CPM: variants seen among roughly 807,000 people sequenced by gnomAD.
CPM encodes the protein renal carboxypeptidase.
A neutral mutation model predicts 46.4 loss-of-function variants in CPM; 35 were observed. The observed-to-expected ratio is 0.75, with a 90% CI of 0.58 to 1.00. The LOEUF is 1.00. Ranked by LOEUF, CPM falls within the 50% of genes least tolerant of loss-of-function variation. The probability of loss-of-function intolerance (pLI) is 0.00; values close to 1 mark genes in which losing one functional copy is unlikely to be tolerated. For missense variants in CPM, 422 were observed against 530.4 expected (o/e 0.80, Z 2.01); for synonymous variants, 195 against 195.3 (o/e 1.00, Z 0.01).
chr12:68,870,502 G>A (rs1403290918), intron 4 of CPM, 103 bp from the exon 5 acceptor site: 33 of 964,998 alleles, frequency 3.4e-5, no homozygotes, highest in East Asian at 3.1e-4. Flanking sequence ...CTTTCCAAAC[G>A]TGAGTATGGG....
At chr12:68,872,007 G>A in intron 3 of CPM, 51 bp from the exon 4 acceptor site, 1 of 1,590,434 alleles carries the variant, frequency 6.3e-7, no homozygotes. Context: ...AGGCAATAAG[G>A]AAAGCACTCC....
At chr12:68,890,133 A>G (rs541032189) in intron 2 of CPM, among the ~76,000 whole-genome samples, 14 of 152,230 alleles carry the variant, frequency 9.2e-5, no homozygotes, top group Admixed American at 2.0e-4. Flanking sequence ...TACACTCAGG[A>G]GACTGAGGTG....
intron 1 of CPM, among the ~76,000 whole-genome samples, chr12:68,957,180 A>G (rs1349512058): frequency 6.6e-6 from 1 of 152,126 alleles, no homozygotes; most frequent in Non-Finnish European, 1.5e-5. Context: ...GAATCCCACT[A>G]TTCAAAGCAG....
chr12:68,960,223 A>C lies in CPM; in HGVS notation c.-4+2946T>G, dbSNP rs539599881. ...CAGGATGGAAACATTTATTTTTGGC[A>C]CTCTTGATTCTTCTTTCTTCATTAG... is the stretch of plus-strand genomic sequence containing the variant. On this transcript the variant is annotated intron_variant, in intron 1 of 8. Transcript: ENST00000546373. 1.1e-4 allele frequency among the ~76,000 whole-genome samples: 16 copies of C among 152,156 alleles called. No individual in the cohort carries two copies. The South Asian group carries it at 3.3e-3, about 32-fold the overall frequency.
chr12:68,929,082 C>A (rs1257205201), intron 2 of CPM, among the ~76,000 whole-genome samples: 2 of 151,918 alleles, frequency 1.3e-5, no homozygotes, highest in Admixed American at 6.6e-5. Context: ...TGTAGCAGAG[C>A]AGTTCTTTCA....
intron 1 of CPM, among the ~76,000 whole-genome samples, chr12:68,958,070 T>C (rs1889053315): frequency 6.6e-6 from 1 of 152,240 alleles, no homozygotes; most frequent in African/African-American, 2.4e-5. Flanking sequence ...ATGTGCCACA[T>C]TTTCTTAATC....
At chr12:68,842,391 T>C (rs1215639916) in intron 5 of CPM, 1 of 492,368 alleles carries the variant, frequency 2.0e-6, no homozygotes. Context: ...TTCCTAAAAA[T>C]CTCATTATCT....
chr12:68,859,137 T>C (rs964217494), intron 7 of CPM, 66 bp from the exon 8 acceptor site: 2 of 893,982 alleles, frequency 2.2e-6, no homozygotes, highest in Non-Finnish European at 3.0e-6. Flanking sequence ...TTATTATAAA[T>C]ATTTAAGAAC....
rs187541460 is a variant in CPM, at chr12:68,883,823, G to A, written c.258+1969C>T. On this transcript the variant is annotated intron_variant, in intron 3 of 8. Transcript: ENST00000551568. ...TACAAATGCATTCTGAGTCAGGCGC[G>A]GTGGCTCACACCTGTAATCCCAGCA... Among the ~76,000 whole-genome samples, 341 of 151,764 alleles carry A rather than the reference G, an allele frequency of 2.2e-3. 2 individuals carry two copies. The highest frequency in any genetic ancestry group is 7.6e-3 in the African/African-American group (315 of 41,378).
intron 1 of CPM, among the ~76,000 whole-genome samples, chr12:68,941,038 T>A (rs1888751311): frequency 6.6e-6 from 1 of 152,144 alleles, no homozygotes; most frequent in Non-Finnish European, 1.5e-5. Flanking sequence ...TTTCTAAAAG[T>A]CTGACTAGTT....
intron 2 of CPM, among the ~76,000 whole-genome samples, chr12:68,912,177 T>G (rs1261835217): frequency 6.6e-6 from 1 of 152,148 alleles, no homozygotes; most frequent in Non-Finnish European, 1.5e-5. Context: ...TCGGCTAATT[T>G]TGTATTTTTA....
chr12:68,897,450 G>A (rs182328603), intron 2 of CPM, among the ~76,000 whole-genome samples: 6 of 152,160 alleles, frequency 3.9e-5, no homozygotes, highest in East Asian at 1.9e-4. Flanking sequence ...TACTAAGAGC[G>A]AGATCGAGCA....
chr12:68,844,400 TTAG>T (rs571386391), intron 5 of CPM: 257 of 226,610 alleles, frequency 1.1e-3, no homozygotes, highest in African/African-American at 4.8e-3. Flanking sequence ...ATGTTGCAAG[TTAG>T]TAGGAGTAAG....
rs1315664578 is a variant in CPM at position 68,851,272 on chromosome 12, T to TTG, written c.*5164_*5165insCA. On this transcript the variant is annotated 3_prime_UTR_variant, in exon 9 of 9. Coordinates refer to ENST00000551568, the MANE Select transcript of CPM (RefSeq NM_198320.5). ...CCTCTCCCCAATAAACTTTACAGTC[T>TTG]TAGACAATTTGTGCATTTTAATAAA... 2 of 152,574 alleles carry TTG rather than the reference T, an allele frequency of 1.3e-5. No homozygotes were observed. Among genetic ancestry groups the TTG allele is most frequent in the African/African-American group, 4.8e-5 (2 of 41,430 alleles). 9.5% of individuals were successfully genotyped at this position (152,574 alleles called of 1,614,324 possible).
At chr12:68,879,967 C>T (rs947007420) in intron 3 of CPM, among the ~76,000 whole-genome samples, 2 of 152,052 alleles carry the variant, frequency 1.3e-5, no homozygotes, top group East Asian at 1.9e-4. Flanking sequence ...GTTTACTACA[C>T]ACCAAGCCAG....
chr12:68,906,826 G>T (rs1887371807), intron 2 of CPM, among the ~76,000 whole-genome samples: 1 of 152,176 alleles, frequency 6.6e-6, no homozygotes, highest in Non-Finnish European at 1.5e-5. Context: ...AAGCACCCTT[G>T]TGCCTATTTC....
intron 1 of CPM, among the ~76,000 whole-genome samples, chr12:68,960,866 C>T (rs7305235): frequency 0.16 from 24,898 of 152,118 alleles, 2,157 homozygotes; most frequent in Middle Eastern, 0.2. Context: ...CTACTTTGTC[C>T]TATCTGCAGA....
At chr12:68,842,402 A>G in intron 5 of CPM, 3 of 486,438 alleles carry the variant, frequency 6.2e-6, no homozygotes, top group South Asian at 1.6e-5. Flanking sequence ...CTCATTATCT[A>G]TAACCATTTC....
chr12:68,851,031 T>C (rs948787508), downstream of CPM: 15 of 152,568 alleles, frequency 9.8e-5, no homozygotes, highest in African/African-American at 3.6e-4. Context: ...TTTGAAGAGT[T>C]GTTGCAATGT....
Sources: allele counts gnomAD v4.1 joint callset (sites outside exome capture counted in the v4.1 genomes callset), GRCh38; gene constraint gnomAD v4.1.1; transcripts MANE v1.5; gene names NCBI Gene and HGNC (gene_info 2026-07-23, HGNC 2026-07-21).